ARHGAP32: variants seen among roughly 807,000 people sequenced by gnomAD.
The protein encoded by ARHGAP32 is Rho GTPase activating protein 32.
ARHGAP32 carries 51 observed loss-of-function variants against 186.5 expected under a neutral mutation model. That is an observed-to-expected ratio of 0.27 (90% CI 0.22 to 0.35). The LOEUF is 0.35. Ranked by LOEUF, ARHGAP32 falls within the 10% of genes least tolerant of loss-of-function variation. The probability of loss-of-function intolerance (pLI) is 1.00; values close to 1 mark genes in which losing one functional copy is unlikely to be tolerated. For synonymous variants in ARHGAP32, 950 were observed against 964.3 expected (o/e 0.99, Z 0.27); for missense variants, 2,186 against 2,623.5 (o/e 0.83, Z 3.64).
At chr11:129,203,537 A>G (rs1944481360) in intron 1 of ARHGAP32, among the ~76,000 whole-genome samples, 1 of 152,062 alleles carries the variant, frequency 6.6e-6, no homozygotes, top group African/African-American at 2.4e-5. Context: ...TATAGTGTTG[A>G]AAATTAGGGA....
intron 1 of ARHGAP32, among the ~76,000 whole-genome samples, chr11:129,239,202 C>G (rs1185074938): frequency 6.6e-6 from 1 of 152,170 alleles, no homozygotes; most frequent in African/African-American, 2.4e-5. Context: ...TTAAATAGTA[C>G]AGACTTTCCT....
At chr11:129,154,728 G>A (rs1050664854) in intron 2 of ARHGAP32, among the ~76,000 whole-genome samples, 1 of 152,120 alleles carries the variant, frequency 6.6e-6, no homozygotes, top group East Asian at 1.9e-4. Flanking sequence ...TGGCACTCGA[G>A]GGGAAGGGTG....
chr11:129,261,878 T>C (rs1449293620), intron 1 of ARHGAP32, among the ~76,000 whole-genome samples: 3 of 152,188 alleles, frequency 2.0e-5, no homozygotes, highest in African/African-American at 7.2e-5. Context: ...TGCAATAGTA[T>C]ATAGAAATCC....
intron 10 of ARHGAP32, among the ~76,000 whole-genome samples, chr11:129,060,393 G>A (rs1940449753): frequency 6.7e-6 from 1 of 148,234 alleles, no homozygotes; most frequent in South Asian, 2.1e-4. Context: ...AAGATAGACA[G>A]ACAGACAGAC....
chr11:129,109,279 T>C (rs1237758329), intron 5 of ARHGAP32, among the ~76,000 whole-genome samples: 4 of 152,074 alleles, frequency 2.6e-5, no homozygotes, highest in Non-Finnish European at 4.4e-5. Flanking sequence ...TATATATATA[T>C]ACCATACTTT....
chr11:129,016,350 A>G (rs1012126924), intron 11 of ARHGAP32, among the ~76,000 whole-genome samples: 1 of 152,210 alleles, frequency 6.6e-6, no homozygotes, highest in Non-Finnish European at 1.5e-5. Context: ...GTCTTTAGGT[A>G]CAGAAATCAT....
chr11:129,184,419 T>C (rs1379742035), intron 1 of ARHGAP32, among the ~76,000 whole-genome samples: 2 of 152,114 alleles, frequency 1.3e-5, no homozygotes, highest in South Asian at 2.1e-4. Context: ...AACCTAAATT[T>C]ATTATAAAAA....
At chr11:129,019,172 C>G (rs1938489136) in intron 11 of ARHGAP32, among the ~76,000 whole-genome samples, 1 of 152,150 alleles carries the variant, frequency 6.6e-6, no homozygotes, top group Non-Finnish European at 1.5e-5. Flanking sequence ...TGTGATAGCT[C>G]TGCCCTCTCT....
chr11:128,973,790 G>A, intron 21 of ARHGAP32: 1 of 506,754 alleles, frequency 2.0e-6, no homozygotes, highest in East Asian at 3.1e-5. Flanking sequence ...TAGCTGGCTT[G>A]TTAACTTGGA....
At chr11:129,179,711 G>A (rs912469558) in intron 1 of ARHGAP32, among the ~76,000 whole-genome samples, 5 of 150,818 alleles carry the variant, frequency 3.3e-5, no homozygotes, top group African/African-American at 9.8e-5. Context: ...ACCAAACACC[G>A]CACATTCTCA....
rs748116715 is a variant in ARHGAP32, at chr11:128,970,287, G to A, written c.4926C>T (p.Ala1642=). 2.5e-6 allele frequency: 4 copies of A among 1,614,146 alleles called. No homozygotes were observed. Among genetic ancestry groups the A allele is most frequent in the Middle Eastern group, 1.6e-4 (1 of 6,062 alleles). ...GCTGAGTGACATGATAATCTGAGCG[G>A]GCCTGGGAGGACTGATATGGCTTAT... ...YQYKPYQSSQ[A]RSDYHVTQLQ... Residue 1642 remains alanine, a synonymous_variant, in exon 23 of 23, where the codon GCC becomes GCT. Transcript: ENST00000682385. This position sits in a 1 kb window ranked among gnomAD's most constrained non-coding sequence, Gnocchi z 5.8.
At chr11:129,096,338 T>G (rs1941727778) in intron 5 of ARHGAP32, among the ~76,000 whole-genome samples, 1 of 152,076 alleles carries the variant, frequency 6.6e-6, no homozygotes, top group Admixed American at 6.5e-5. Context: ...AACGGCAGAC[T>G]CACCAGGAAT....
intron 1 of ARHGAP32, among the ~76,000 whole-genome samples, chr11:129,257,558 G>C (rs1945269995): frequency 6.6e-6 from 1 of 152,064 alleles, no homozygotes. Context: ...AGGATCACTT[G>C]AGCTCAGGAG....
At chr11:129,073,226 G>GA (rs1383831108) in intron 6 of ARHGAP32, among the ~76,000 whole-genome samples, 4 of 151,794 alleles carry the variant, frequency 2.6e-5, no homozygotes, top group Non-Finnish European at 4.4e-5. Context: ...GAACTAAAAG[G>GA]AAAAAAACAC....
chr11:129,060,387 T>TAAGATAGAC (rs1360940695), intron 10 of ARHGAP32, among the ~76,000 whole-genome samples: 3 of 143,084 alleles, frequency 2.1e-5, no homozygotes, highest in African/African-American at 5.1e-5. Context: ...ATAGATAAGA[T>TAAGATAGAC]AGACAGACAG....
chr11:129,229,772 A>G (rs9888163), intron 1 of ARHGAP32, among the ~76,000 whole-genome samples: 19,591 of 152,204 alleles, frequency 0.13, 1,392 homozygotes, highest in Non-Finnish European at 0.15. Context: ...AACAGTCTGA[A>G]TATTAAGATA....
At chr11:129,083,595 G>T (rs906770225) in intron 6 of ARHGAP32, among the ~76,000 whole-genome samples, 3 of 152,142 alleles carry the variant, frequency 2.0e-5, no homozygotes, top group Non-Finnish European at 4.4e-5. Flanking sequence ...AGGGATAAAA[G>T]ACAACACATT....
intron 1 of ARHGAP32, among the ~76,000 whole-genome samples, chr11:129,272,699 A>G (rs1450021785): frequency 1.3e-5 from 2 of 152,190 alleles, no homozygotes; most frequent in African/African-American, 4.8e-5. Context: ...CTGAAAGAGG[A>G]TTCAGTAAAG....
chr11:129,258,462 G>C (rs4245085), intron 1 of ARHGAP32, among the ~76,000 whole-genome samples: 1 of 151,972 alleles, frequency 6.6e-6, no homozygotes, highest in African/African-American at 2.4e-5. Flanking sequence ...TGCCTGCCAC[G>C]TCCCTCTTTT....
Sources: allele counts gnomAD v4.1 joint callset (sites outside exome capture counted in the v4.1 genomes callset), GRCh38; gene constraint gnomAD v4.1.1; non-coding constraint Gnocchi (gnomAD v3.1); transcripts MANE v1.5; gene names NCBI Gene and HGNC (gene_info 2026-07-23, HGNC 2026-07-21).